Variants in OTOG observed in about 807,000 individuals in gnomAD.
The protein encoded by OTOG is otogelin.
In OTOG, 296 loss-of-function variants were observed where a neutral mutation model predicts 313.8. That is an observed-to-expected ratio of 0.94 (90% CI 0.86 to 1.04). The LOEUF (loss-of-function observed/expected upper bound fraction) is 1.04. Among genes scored for constraint, OTOG ranks in the 50% least tolerant of loss-of-function variants. The pLI is 0.00. For missense variants in OTOG, 3,948 were observed against 3,840.1 expected, an observed-to-expected ratio of 1.03 and a Z score of -0.74; for synonymous variants, 1,533 against 1,554.9, an observed-to-expected ratio of 0.99 and a Z score of 0.33.
intron 39 of OTOG, among the ~76,000 whole-genome samples, chr11:17,615,260 C>T (rs917417126): frequency 6.6e-6 from 1 of 152,174 alleles, no homozygotes; most frequent in African/African-American, 2.4e-5. Context: ...GGACACAAGC[C>T]TTTTATCACA....
intron 39 of OTOG, among the ~76,000 whole-genome samples, chr11:17,620,723 G>T (rs1303360926): frequency 2.0e-5 from 3 of 152,054 alleles, no homozygotes; most frequent in Non-Finnish European, 2.9e-5. Flanking sequence ...TTTCTCTTTT[G>T]GGGACTTCAA....
chr11:17,633,303 C>T (rs905265330), intron 42 of OTOG, among the ~76,000 whole-genome samples: 1 of 152,212 alleles, frequency 6.6e-6, no homozygotes, highest in Non-Finnish European at 1.5e-5. Context: ...GTTGGCAAAC[C>T]TTTTCGGTAA....
Position 17,645,749 on chromosome 11 carries a change from C to G in OTOG, c.8547C>G (p.Asn2849Lys). The G allele has an allele frequency of 6.4e-7, 1 of 1,550,924 alleles. No individual in the cohort carries two copies. Among genetic ancestry groups the G allele is most frequent in the Non-Finnish European group, 8.7e-7 (1 of 1,147,060 alleles). ...CACTGGCCTGCCCGTTCCAGGTGAA[C>G]CTAGTGTCCTGCGATGGGAGGTGCC... Reference protein sequence around the residue: ...KNECRSSTPVNLVSCDGRCPS... With the variant: ...KNECRSSTPVKLVSCDGRCPS... The change falls in exon 56 of 56, where the codon AAC (asparagine) becomes AAG (lysine). Residue 2849 changes from asparagine to lysine, a missense_variant. Coordinates refer to ENST00000399397, the MANE Select transcript of OTOG (RefSeq NM_001292063.2).
intron 33 of OTOG, 131 bp downstream of exon 33, chr11:17,606,266 A>G: frequency 8.3e-7 from 1 of 1,202,598 alleles, no homozygotes; most frequent in Non-Finnish European, 1.1e-6. Context: ...CACAGGGGCC[A>G]CATGGGTGCC....
intron 39 of OTOG, among the ~76,000 whole-genome samples, chr11:17,614,932 A>G (rs991520186): frequency 6.6e-6 from 1 of 152,226 alleles, no homozygotes; most frequent in Admixed American, 6.5e-5. Context: ...TTAGCTTTAC[A>G]ATACTTGCCA....
Position 17,570,256 on chromosome 11 carries a change from G to A in OTOG, c.1821G>A (p.Val607=). The part of the protein sequence containing the change: ...IRRLSSVFLR[V]RTNVGVRVLY... Reference sequence around the variant, plus strand: ...GGCTGTCCTCCGTGTTCCTGCGGGTGAGGACGAACGTGGGCGTGCGGGTGC... The same window carrying A: ...GGCTGTCCTCCGTGTTCCTGCGGGTAAGGACGAACGTGGGCGTGCGGGTGC... The change falls in exon 17 of 56, where the codon GTG becomes GTA. Residue 607 remains valine, a synonymous_variant. Transcript: ENST00000399397. 1 of 1,550,910 alleles carries A rather than the reference G, an allele frequency of 6.4e-7. No homozygotes were observed. The highest frequency in any genetic ancestry group is 1.2e-5 in the South Asian group (1 of 84,064).
chr11:17,621,872 G>A (rs1853873668), intron 39 of OTOG, among the ~76,000 whole-genome samples: 2 of 152,332 alleles, frequency 1.3e-5, no homozygotes, highest in East Asian at 3.9e-4. Context: ...CAGTTTGTTT[G>A]ATCATTTAAG....
Position 17,613,503 on chromosome 11 carries a change from G to C in OTOG, c.6439-109G>C, listed in dbSNP as rs562111094. 19 of 902,644 alleles carry C rather than the reference G, an allele frequency of 2.1e-5. No individual in the cohort carries two copies. The Middle Eastern group carries it at 9.0e-4, about 43-fold the overall frequency. The allele number at this position is 902,644 out of a possible 1,614,324, so 55.9% of individuals were successfully genotyped here. ...CAGCCTGATGGGAGCCCCTGGCATAGTGCAGGGGGTAGTCAGGGGAGACTG... is the reference window on the plus strand; with the variant it reads ...CAGCCTGATGGGAGCCCCTGGCATACTGCAGGGGGTAGTCAGGGGAGACTG... On this transcript the variant is annotated intron_variant, in intron 38 of 55. Transcript: ENST00000399397.
chr11:17,645,934 A>G lies in OTOG; in HGVS notation c.8732A>G (p.Gln2911Arg). ...TVQEPTDCAC[Q>R]WS ...CAGGAGCCCACCGACTGTGCCTGCC[A>G]GTGGTCCTGAGGCCTGGGGGCCCGG... is the stretch of plus-strand genomic sequence containing the variant. Residue 2911 changes from glutamine to arginine, a missense_variant, in exon 56 of 56, where the codon CAG becomes CGG. By Grantham distance (43) the Gln-to-Arg change is conservative (BLOSUM62 1). Transcript: ENST00000399397. 1 of 1,549,448 alleles carries G rather than the reference A, an allele frequency of 6.5e-7. No homozygotes were observed. The highest frequency in any genetic ancestry group is 1.2e-5 in the South Asian group (1 of 84,054).
At chr11:17,560,910 C>T (rs974635211) in intron 13 of OTOG, 93 bp downstream of exon 13, 52 of 1,246,766 alleles carry the variant, frequency 4.2e-5, no homozygotes, top group Admixed American at 4.0e-4. Flanking sequence ...TGGCTGGCGT[C>T]GGGGCACTCA....
chr11:17,641,186 C>T (rs1378883099), intron 51 of OTOG, 95 bp downstream of exon 51: 11 of 1,338,704 alleles, frequency 8.2e-6, no homozygotes, highest in African/African-American at 4.3e-5. Context: ...TTGAAGCTGC[C>T]CTAAACCCCC....
intron 39 of OTOG, among the ~76,000 whole-genome samples, chr11:17,621,709 C>T (rs1488515719): frequency 2.0e-5 from 3 of 152,178 alleles, no homozygotes; most frequent in African/African-American, 4.8e-5. Context: ...ACCTGGGTTC[C>T]TGCTCCCTGC....
intron 31 of OTOG, among the ~76,000 whole-genome samples, chr11:17,601,060 C>G (rs541964623): frequency 6.6e-6 from 1 of 152,224 alleles, no homozygotes; most frequent in African/African-American, 2.4e-5. Context: ...GGAGTGTTTA[C>G]GCCATGGAAA....
At chr11:17,586,726 G>A (rs1852802339) in intron 24 of OTOG, 145 bp downstream of exon 24, 1 of 448,224 alleles carries the variant, frequency 2.2e-6, no homozygotes, top group South Asian at 8.4e-5. Flanking sequence ...TGGTATAGGG[G>A]TTTGTGTACA....
rs867257104 is a variant in OTOG, at chr11:17,631,834, G to A, written c.6845G>A (p.Arg2282His). 7.7e-6 allele frequency: 12 copies of A among 1,550,478 alleles called. No individual in the cohort carries two copies. The highest frequency in any genetic ancestry group is 2.7e-5 in the African/African-American group (2 of 73,044). Residue 2282 changes from arginine to histidine, a missense_variant, in exon 41 of 56, where the codon CGC becomes CAC. Physicochemically the swap from Arg to His is conservative, Grantham distance 29. Transcript: ENST00000399397. Reference sequence around the variant, plus strand: ...TCCCTGACCTCAGTGGGCCAGACCCGCTTCCGCCCAGACAGCTGCGCCACA... The same window carrying A: ...TCCCTGACCTCAGTGGGCCAGACCCACTTCCGCCCAGACAGCTGCGCCACA... ...PSSLTSVGQT[R>H]FRPDSCATTD... is the part of the protein sequence containing the mutation.
intron 47 of OTOG, 25 bp downstream of exon 47, chr11:17,635,736 G>T (rs570522245): frequency 6.5e-7 from 1 of 1,536,180 alleles, no homozygotes; most frequent in Non-Finnish European, 8.8e-7. Flanking sequence ...GGCACATGGC[G>T]GGCTGCGGCA....
rs140239162 is a variant in OTOG, at chr11:17,638,577, C to T, written c.7894+28C>T. 762 of 1,542,476 alleles carry T rather than the reference C, an allele frequency of 4.9e-4. 4 individuals are homozygous for T. The African/African-American group carries it at 8.8e-3, about 18-fold the overall frequency. On this transcript the variant is annotated intron_variant, in intron 48 of 55. Coordinates refer to ENST00000399397, the MANE Select transcript of OTOG (RefSeq NM_001292063.2). ...GAGTCCGTGGTCAGGACAGCCTCCC[C>T]GCTGGGAGATCCAGTGGCCCTGCTG...
intron 6 of OTOG, among the ~76,000 whole-genome samples, chr11:17,554,525 A>C (rs1487925401): frequency 6.6e-6 from 1 of 152,248 alleles, no homozygotes; most frequent in Non-Finnish European, 1.5e-5. Flanking sequence ...TTGGAGAACC[A>C]GCTCTGTTGG....
rs1315883044 is a variant in OTOG, at chr11:17,552,017, C to A, written c.234C>A (p.Asp78Glu). ...TTCACAAGCAGGCTGAAGCCCCAGA[C>A]TCCGTGGCCATGTCTTCCTGGGAAA... ...VVGGQQAEAP[D>E]SVAMSSWERR... The change falls in exon 4 of 56, where the codon GAC (aspartate) becomes GAA (glutamate). Residue 78 changes from aspartate (D) to glutamate (E), a missense_variant. By Grantham distance (45) the Asp-to-Glu change is conservative (BLOSUM62 2). Transcript: ENST00000399397. 2 of 1,550,530 alleles carry A rather than the reference C, an allele frequency of 1.3e-6. No individual in the cohort carries two copies. The highest frequency in any genetic ancestry group is 8.7e-7 in the Non-Finnish European group (1 of 1,146,910).
Sources: allele counts gnomAD v4.1 joint callset (sites outside exome capture counted in the v4.1 genomes callset), GRCh38; gene constraint gnomAD v4.1.1; transcripts MANE v1.5; gene names NCBI Gene and HGNC (gene_info 2026-07-23, HGNC 2026-07-21).